ARHGAP21: variants seen among roughly 807,000 people sequenced by gnomAD.
The protein encoded by ARHGAP21 is rho GTPase-activating protein 21.
A neutral mutation model predicts 164.6 loss-of-function variants in ARHGAP21; 38 were observed. That is an observed-to-expected ratio of 0.23 (90% CI 0.18 to 0.30). The LOEUF (loss-of-function observed/expected upper bound fraction) is 0.30. ARHGAP21 is among the 10% of genes least tolerant of loss of function. The pLI is 1.00. For missense variants in ARHGAP21, 1,822 were observed against 2,370.7 expected (o/e 0.77, Z 4.81); for synonymous variants, 766 against 857.9 (o/e 0.89, Z 1.87).
chr10:24,584,565 C>T lies in ARHGAP21; in HGVS notation c.5724G>A (p.Arg1908=), dbSNP rs761496700. Reference sequence around the variant, plus strand: ...ACTGTGGTGGTATGGAAAGAAGGGGCCTGTTTGTTGAAGCCAAGGTGCTGG... The same window carrying T: ...ACTGTGGTGGTATGGAAAGAAGGGGTCTGTTTGTTGAAGCCAAGGTGCTGG... The part of the protein sequence containing the change: ...SSSSTLASTN[R]PLLSIPPQSP... The change falls in exon 26 of 26, where the codon AGG becomes AGA. Residue 1908 remains arginine, a synonymous_variant. Transcript: ENST00000396432. The T allele has an allele frequency of 9.3e-6, 15 of 1,613,738 alleles. No homozygotes were observed. Among genetic ancestry groups the T allele is most frequent in the Non-Finnish European group, 1.3e-5 (15 of 1,179,860 alleles).
chr10:24,681,247 T>C (rs1841727375), intron 2 of ARHGAP21, among the ~76,000 whole-genome samples: 1 of 152,288 alleles, frequency 6.6e-6, no homozygotes, highest in African/African-American at 2.4e-5. Context: ...TAAAAAACCA[T>C]TGCAATGTAT....
chr10:24,708,894 C>T (rs1844504187), intron 2 of ARHGAP21, among the ~76,000 whole-genome samples: 2 of 152,138 alleles, frequency 1.3e-5, no homozygotes, highest in African/African-American at 4.8e-5. Context: ...AGTGCTGCAA[C>T]AAACATACAA....
intron 2 of ARHGAP21, among the ~76,000 whole-genome samples, chr10:24,673,215 G>A (rs1236253224): frequency 6.6e-6 from 1 of 152,128 alleles, no homozygotes; most frequent in Non-Finnish European, 1.5e-5. Flanking sequence ...ACTTTATAAT[G>A]CAAAGAACCT....
rs753804054 is a variant in ARHGAP21, at chr10:24,584,426, G to C, written c.5863C>G (p.His1955Asp). 1 of 1,607,536 alleles carries C rather than the reference G, an allele frequency of 6.2e-7. No individual in the cohort carries two copies. The highest frequency in any genetic ancestry group is 2.2e-5 in the East Asian group (1 of 44,862). Residue 1955 changes from histidine to aspartate, a missense_variant, in exon 26 of 26, where the codon CAT becomes GAT. His to Asp is a moderately conservative substitution (Grantham distance 81, BLOSUM62 -1). Transcript: ENST00000396432. ...ATACCCCCAGTTTAAAGACAGGGAT[G>C]AAACTCTGCTTTACTGCCTGGGGTT... ...SETPGSKAEF[H>D]PCL
rs1318251102 is a variant in ARHGAP21 at position 24,610,615 on chromosome 10, T to A, written c.2423-2712A>T. Among the ~76,000 whole-genome samples the A allele has an allele frequency of 2.0e-5, 3 of 152,198 alleles. No homozygotes were observed. In the East Asian group the frequency reaches 5.8e-4, roughly 29 times the overall value. The stretch of plus-strand genomic sequence containing the variant: ...ATCTACTCCATTATTCAATTTGGAT[T>A]TTTTCCAAATGGAGAGTATTTCAAA... On this transcript the variant is annotated intron_variant, in intron 9 of 25. Transcript: ENST00000396432.
At chr10:24,618,827 C>T (rs1222553388) in intron 9 of ARHGAP21, among the ~76,000 whole-genome samples, 3 of 152,164 alleles carry the variant, frequency 2.0e-5, no homozygotes, top group Non-Finnish European at 4.4e-5. Flanking sequence ...ACAGAGGGTT[C>T]TGCACAGAGG....
intron 2 of ARHGAP21, among the ~76,000 whole-genome samples, chr10:24,692,684 T>C (rs1014763803): frequency 1.3e-5 from 2 of 151,972 alleles, no homozygotes; most frequent in Non-Finnish European, 2.9e-5. Context: ...ATACAAAAAG[T>C]AGCTGGGAGT....
At chr10:24,651,675 G>A (rs753667281) in intron 4 of ARHGAP21, among the ~76,000 whole-genome samples, 13 of 152,272 alleles carry the variant, frequency 8.5e-5, no homozygotes, top group Middle Eastern at 3.4e-3. Context: ...TTTCATATTT[G>A]AAAACTTTAT....
intron 7 of ARHGAP21, 110 bp downstream of exon 7, chr10:24,629,886 T>C (rs1386890447): frequency 1.2e-6 from 1 of 834,670 alleles, no homozygotes; most frequent in Non-Finnish European, 2.0e-6. Flanking sequence ...CAGAGGGTTT[T>C]TAAATTCTAG....
chr10:24,713,451 C>A (rs550831581), intron 2 of ARHGAP21, among the ~76,000 whole-genome samples: 2 of 152,130 alleles, frequency 1.3e-5, no homozygotes, highest in Admixed American at 1.3e-4. Context: ...TTATTTTTTA[C>A]AATAATAAAC....
intron 4 of ARHGAP21, among the ~76,000 whole-genome samples, chr10:24,655,126 G>A (rs1412265074): frequency 6.6e-6 from 1 of 152,184 alleles, no homozygotes; most frequent in Non-Finnish European, 1.5e-5. Context: ...AATTCAACAT[G>A]GATTAAAGAC....
At chr10:24,633,730 C>G (rs547624236) in intron 5 of ARHGAP21, among the ~76,000 whole-genome samples, 3 of 152,042 alleles carry the variant, frequency 2.0e-5, no homozygotes, top group South Asian at 4.2e-4. Flanking sequence ...TGAAACTAGC[C>G]ATGTTCTAAG....
chr10:24,610,331 A>T (rs1449459622), intron 9 of ARHGAP21, among the ~76,000 whole-genome samples: 1 of 151,388 alleles, frequency 6.6e-6, no homozygotes, highest in Non-Finnish European at 1.5e-5. Flanking sequence ...AGCTGAGATC[A>T]TGCCACTGCA....
chr10:24,709,978 T>C (rs890747453), intron 2 of ARHGAP21, among the ~76,000 whole-genome samples: 11 of 152,226 alleles, frequency 7.2e-5, no homozygotes, highest in African/African-American at 2.7e-4. Flanking sequence ...TTTTTGCACA[T>C]ATCTCTTTAT....
intron 2 of ARHGAP21, among the ~76,000 whole-genome samples, chr10:24,689,040 G>T (rs903966255): frequency 2.0e-5 from 3 of 152,022 alleles, no homozygotes; most frequent in African/African-American, 7.2e-5. Context: ...TAATTCCTTG[G>T]AAACACTAAC....
intron 9 of ARHGAP21, among the ~76,000 whole-genome samples, chr10:24,611,338 G>A (rs1272382097): frequency 6.6e-6 from 1 of 152,188 alleles, no homozygotes; most frequent in African/African-American, 2.4e-5. Flanking sequence ...GTAAACTGTT[G>A]AGTTGTCACC....
At chr10:24,712,736 A>T (rs374789994) in intron 2 of ARHGAP21, among the ~76,000 whole-genome samples, 100 of 151,438 alleles carry the variant, frequency 6.6e-4, no homozygotes, top group African/African-American at 2.2e-3. Flanking sequence ...ATGATTAAAT[A>T]AAAAAAAAGT....
rs559848382 is a variant in ARHGAP21, at chr10:24,596,337, T to A, written c.3478-294A>T. On this transcript the variant is annotated intron_variant, in intron 17 of 25. Coordinates refer to ENST00000396432, the MANE Select transcript of ARHGAP21 (RefSeq NM_020824.4). ...GGAAACCGTTCCGCTGAATAAAGAGTCAAGAAAAGAGGAGGAGAGAGTAAT... is the reference window on the plus strand; with the variant it reads ...GGAAACCGTTCCGCTGAATAAAGAGACAAGAAAAGAGGAGGAGAGAGTAAT... The A allele has an allele frequency of 3.0e-5, 13 of 426,392 alleles. No homozygotes were observed. In the South Asian group the frequency reaches 7.2e-4, roughly 24 times the overall value. 26.4% of individuals were successfully genotyped at this position (426,392 alleles called of 1,614,324 possible).
chr10:24,592,151 G>A (rs1005965625), intron 21 of ARHGAP21, 139 bp from the exon 22 acceptor site: 3 of 491,892 alleles, frequency 6.1e-6, no homozygotes, highest in Admixed American at 4.6e-5. Context: ...ATGCTTTCTA[G>A]CAAGATTTTT....
Sources: gnomAD v4.1 joint callset for allele counts (sites outside exome capture counted in the v4.1 genomes callset) on GRCh38, gnomAD v4.1.1 for gene constraint, MANE v1.5 for transcripts, NCBI Gene and HGNC (gene_info 2026-07-23, HGNC 2026-07-21) for gene names.